Variants in USP48 observed in about 807,000 individuals in gnomAD.
The protein encoded by USP48 is ubiquitin specific peptidase 48.
USP48 carries 43 observed loss-of-function variants against 150.7 expected under a neutral mutation model. The observed-to-expected ratio is 0.29, with a 90% CI of 0.22 to 0.37. USP48 has a LOEUF of 0.37. USP48 is among the 10% of genes least tolerant of loss of function. USP48 has a pLI of 1.00. For synonymous variants in USP48, 396 were observed against 425.9 expected (o/e 0.93, Z 0.86); for missense variants, 813 against 1,249.6 (o/e 0.65, Z 5.27).
chr1:21,728,468 T>C lies in USP48; in HGVS notation c.1450+102A>G, dbSNP rs372335251. 5.6e-5 allele frequency: 84 copies of C among 1,507,870 alleles called. No individual in the cohort carries two copies. The African/African-American group carries it at 9.1e-4, about 16-fold the overall frequency. The allele number at this position is 1,507,870 out of a possible 1,614,324, so 93.4% of individuals were successfully genotyped here. A position where few individuals can be genotyped will look rare whatever the true frequency, so the allele number is the denominator to read the frequency against. Reference sequence around the variant, plus strand: ...TGTTTAAGCTGGCTTTAGTGGGTTATTAGAAAGAGTAAGTTTGAGAAAGTT... The same window carrying C: ...TGTTTAAGCTGGCTTTAGTGGGTTACTAGAAAGAGTAAGTTTGAGAAAGTT... On this transcript the variant is annotated intron_variant, in intron 11 of 26. Coordinates refer to ENST00000308271, the MANE Select transcript of USP48 (RefSeq NM_032236.8).
At chr1:21,703,733 T>A (rs2097664162) in intron 20 of USP48, 115 bp from the exon 21 acceptor site, 9 of 842,082 alleles carry the variant, frequency 1.1e-5, no homozygotes, top group Non-Finnish European at 1.7e-5. Context: ...AAACTCTTAG[T>A]AACATTTTCT....
intron 1 of USP48, among the ~76,000 whole-genome samples, chr1:21,776,317 A>G (rs2097898222): frequency 6.6e-6 from 1 of 152,182 alleles, no homozygotes; most frequent in Non-Finnish European, 1.5e-5. Flanking sequence ...TGGTCTTTGA[A>G]TATGGTCAAA....
At chr1:21,779,707 C>T (rs928460651) in intron 1 of USP48, among the ~76,000 whole-genome samples, 1 of 151,948 alleles carries the variant, frequency 6.6e-6, no homozygotes, top group Non-Finnish European at 1.5e-5. Context: ...GTAGAAATGA[C>T]CCAAATGTCT....
chr1:21,714,498 A>G (rs2097699042), intron 15 of USP48, among the ~76,000 whole-genome samples: 1 of 152,122 alleles, frequency 6.6e-6, no homozygotes, highest in South Asian at 2.1e-4. Context: ...CATGGGCTCA[A>G]GCGATCCTCC....
At chr1:21,701,295 G>A (rs938170627) in intron 22 of USP48, among the ~76,000 whole-genome samples, 2 of 150,848 alleles carry the variant, frequency 1.3e-5, no homozygotes, top group Admixed American at 6.6e-5. Flanking sequence ...AAACCCAGGA[G>A]GCGGACATTG....
chr1:21,766,746 T>G (rs576591102), intron 1 of USP48, among the ~76,000 whole-genome samples: 1 of 152,064 alleles, frequency 6.6e-6, no homozygotes, highest in Admixed American at 6.6e-5. Context: ...TGGAGTGCAC[T>G]GCAACCTCTA....
intron 6 of USP48, among the ~76,000 whole-genome samples, chr1:21,748,713 C>T (rs983686000): frequency 2.0e-5 from 3 of 152,226 alleles, no homozygotes; most frequent in African/African-American, 4.8e-5. Flanking sequence ...GAATTCGAGA[C>T]CGGCCTGGCT....
intron 8 of USP48, among the ~76,000 whole-genome samples, chr1:21,746,368 G>T (rs1462645281): frequency 6.6e-6 from 1 of 152,044 alleles, no homozygotes; most frequent in Non-Finnish European, 1.5e-5. Flanking sequence ...TAGCCTCCCA[G>T]CTACAAGGGA....
chr1:21,747,479 C>A (rs2097797198), intron 7 of USP48, among the ~76,000 whole-genome samples: 1 of 152,146 alleles, frequency 6.6e-6, no homozygotes, highest in African/African-American at 2.4e-5. Flanking sequence ...AAAATACATT[C>A]CCATGGCGGG....
chr1:21,707,758 T>C (rs2097677004), intron 15 of USP48, among the ~76,000 whole-genome samples: 1 of 152,212 alleles, frequency 6.6e-6, no homozygotes, highest in South Asian at 2.1e-4. Context: ...TTAAGAGTAA[T>C]AAAGCCATGA....
intron 13 of USP48, 96 bp from the exon 14 acceptor site, chr1:21,721,262 C>T: frequency 6.8e-7 from 1 of 1,479,458 alleles, no homozygotes; most frequent in South Asian, 1.3e-5. Flanking sequence ...GAATTACAAA[C>T]ACTCAACATC....
chr1:21,776,029 G>T (rs2097897459), intron 1 of USP48, among the ~76,000 whole-genome samples: 1 of 152,194 alleles, frequency 6.6e-6, no homozygotes, highest in African/African-American at 2.4e-5. Context: ...TGATGTATAT[G>T]TAAGATACTC....
intron 23 of USP48, among the ~76,000 whole-genome samples, chr1:21,694,009 A>G (rs2097613119): frequency 6.6e-6 from 1 of 152,232 alleles, no homozygotes; most frequent in Non-Finnish European, 1.5e-5. Context: ...CAGTGACTGA[A>G]ACAGATTAGG....
chr1:21,753,637 G>A (rs904233366), intron 3 of USP48, among the ~76,000 whole-genome samples: 3 of 151,682 alleles, frequency 2.0e-5, no homozygotes, highest in African/African-American at 7.3e-5. Flanking sequence ...GACCAGCCTG[G>A]CCAACATGGT....
At chr1:21,768,131 TGGGAGGCA>T (rs1390250573) in intron 1 of USP48, 1 of 150,956 alleles carries the variant, frequency 6.6e-6, no homozygotes, top group Non-Finnish European at 1.5e-5. Flanking sequence ...GGCGTGAAGC[TGGGAGGCA>T]GAGGTTGCAG....
intron 24 of USP48, among the ~76,000 whole-genome samples, chr1:21,688,326 C>T (rs938477065): frequency 6.6e-6 from 1 of 151,968 alleles, no homozygotes. Context: ...TCACGCCATT[C>T]TCCTGTCTCA....
At chr1:21,700,010 TAGTAG>T (rs2097650614) in intron 22 of USP48, among the ~76,000 whole-genome samples, 1 of 148,032 alleles carries the variant, frequency 6.8e-6, no homozygotes, top group Admixed American at 6.7e-5. Context: ...GGAGACATAT[TAGTAG>T]AGTCAACTAA....
intron 1 of USP48, among the ~76,000 whole-genome samples, chr1:21,767,056 T>C (rs998924891): frequency 2.0e-5 from 3 of 152,010 alleles, no homozygotes; most frequent in African/African-American, 7.3e-5. Flanking sequence ...AGAGCAAGAC[T>C]CTGCCTCAAA....
chr1:21,715,127 C>A, intron 15 of USP48: 1 of 371,734 alleles, frequency 2.7e-6, no homozygotes, highest in South Asian at 3.5e-5. Flanking sequence ...AACATACGAG[C>A]ACTATTCTCA....
Sources: allele counts gnomAD v4.1 joint callset (sites outside exome capture counted in the v4.1 genomes callset), GRCh38; gene constraint gnomAD v4.1.1; transcripts MANE v1.5; gene names NCBI Gene and HGNC (gene_info 2026-07-23, HGNC 2026-07-21).